MAML2: variants seen among roughly 807,000 people sequenced by gnomAD.
The protein encoded by MAML2 is mastermind-like protein 2.
Under a neutral mutation model 96.1 loss-of-function variants are expected in MAML2, and 22 were observed. The observed-to-expected ratio is 0.23, with a 90% CI of 0.16 to 0.33. MAML2 has a LOEUF of 0.33. Ranked by LOEUF, MAML2 falls within the 10% of genes least tolerant of loss-of-function variation. MAML2 has a pLI of 1.00. For missense variants in MAML2, 1,367 were observed against 1,392.4 expected (o/e 0.98, Z 0.29); for synonymous variants, 561 against 521.3 (o/e 1.08, Z -1.04).
At chr11:96,255,760 A>G (rs1167323563) in intron 1 of MAML2, among the ~76,000 whole-genome samples, 1 of 152,134 alleles carries the variant, frequency 6.6e-6, no homozygotes, top group African/African-American at 2.4e-5. Flanking sequence ...GAAGACAGAA[A>G]GAACCTGGAT....
At chr11:96,003,452 T>G (rs947021470) in intron 2 of MAML2, among the ~76,000 whole-genome samples, 1 of 152,152 alleles carries the variant, frequency 6.6e-6, no homozygotes, top group Non-Finnish European at 1.5e-5. Context: ...TGTATGCCTT[T>G]AAAATCAAAA....
chr11:96,201,125 A>G (rs748607476), intron 1 of MAML2, among the ~76,000 whole-genome samples: 5 of 152,238 alleles, frequency 3.3e-5, no homozygotes, highest in Non-Finnish European at 7.3e-5. Context: ...AGATCAGAGC[A>G]ATAGATATTT....
chr11:96,143,849 C>T (rs372822697), intron 1 of MAML2, among the ~76,000 whole-genome samples: 12 of 152,276 alleles, frequency 7.9e-5, no homozygotes, highest in East Asian at 1.9e-4. Flanking sequence ...ATCTGTGCCG[C>T]GAACCTTGCT....
At chr11:96,043,873 A>C (rs887993177) in intron 2 of MAML2, among the ~76,000 whole-genome samples, 1 of 152,228 alleles carries the variant, frequency 6.6e-6, no homozygotes, top group African/African-American at 2.4e-5. Flanking sequence ...CTTCCAACAG[A>C]GGCATTCAAA....
intron 2 of MAML2, among the ~76,000 whole-genome samples, chr11:96,027,498 T>C (rs1858544360): frequency 6.6e-6 from 1 of 152,072 alleles, no homozygotes; most frequent in East Asian, 1.9e-4. Flanking sequence ...GAGTTGAGCA[T>C]GGGAATGATC....
chr11:96,151,127 C>T (rs1370003927), intron 1 of MAML2, among the ~76,000 whole-genome samples: 1 of 152,170 alleles, frequency 6.6e-6, no homozygotes, highest in Non-Finnish European at 1.5e-5. Flanking sequence ...CAAACTCCCT[C>T]GTCTAATTTT....
intron 1 of MAML2, among the ~76,000 whole-genome samples, chr11:96,338,152 G>A (rs980175122): frequency 1.3e-5 from 2 of 152,230 alleles, no homozygotes; most frequent in African/African-American, 4.8e-5. Context: ...TACCACAGAA[G>A]CTCTAAACCT....
intron 1 of MAML2, among the ~76,000 whole-genome samples, chr11:96,105,695 C>T (rs1158670682): frequency 6.6e-6 from 1 of 152,084 alleles, no homozygotes; most frequent in Non-Finnish European, 1.5e-5. Context: ...TATGTGTTTT[C>T]TCTGGGCTAA....
At chr11:96,000,422 T>C (rs1376284581) in intron 2 of MAML2, among the ~76,000 whole-genome samples, 1 of 152,186 alleles carries the variant, frequency 6.6e-6, no homozygotes, top group Non-Finnish European at 1.5e-5. Context: ...GTTGAATAGT[T>C]GTGCCAGAGA....
At chr11:96,103,110 C>T (rs975007027) in intron 1 of MAML2, among the ~76,000 whole-genome samples, 22 of 152,086 alleles carry the variant, frequency 1.4e-4, no homozygotes, top group Non-Finnish European at 2.8e-4. Context: ...ATTTTTTCTC[C>T]CTGCTTTAAT....
chr11:96,218,470 C>G (rs1212250646), intron 1 of MAML2, among the ~76,000 whole-genome samples: 1 of 152,120 alleles, frequency 6.6e-6, no homozygotes, highest in Non-Finnish European at 1.5e-5. Context: ...CTTGGGTCAA[C>G]TGACTACTAT....
chr11:96,122,663 C>A (rs1860371112), intron 1 of MAML2, among the ~76,000 whole-genome samples: 1 of 152,044 alleles, frequency 6.6e-6, no homozygotes. Flanking sequence ...CACAGAGGAC[C>A]CTGTAAAATC....
intron 2 of MAML2, among the ~76,000 whole-genome samples, chr11:95,996,225 G>T (rs1007362693): frequency 3.2e-4 from 48 of 152,116 alleles, no homozygotes; most frequent in African/African-American, 1.1e-3. Context: ...ACTTAGAAAT[G>T]GGGAAAATGA....
chr11:96,335,761 C>G (rs546468188), intron 1 of MAML2, among the ~76,000 whole-genome samples: 1 of 152,144 alleles, frequency 6.6e-6, no homozygotes, highest in Non-Finnish European at 1.5e-5. Context: ...TTGCTCTTAC[C>G]GGATCTCCAG....
intron 1 of MAML2, among the ~76,000 whole-genome samples, chr11:96,140,478 T>C (rs993540814): frequency 6.6e-6 from 1 of 152,150 alleles, no homozygotes; most frequent in African/African-American, 2.4e-5. Flanking sequence ...TAAGCCAATT[T>C]TGATGAATGG....
At chr11:96,045,953 T>C (rs1858894438) in intron 2 of MAML2, among the ~76,000 whole-genome samples, 2 of 151,694 alleles carry the variant, frequency 1.3e-5, no homozygotes. Flanking sequence ...GTTTTGCCCT[T>C]GGCCTTCTGT....
At position 96,341,647 on chromosome 11, in the gene MAML2, G is replaced by T. The variant is rs1305384767; in HGVS notation, c.249C>A (p.Gly83=). 1.3e-6 allele frequency: 2 copies of T among 1,561,522 alleles called. No individual in the cohort carries two copies. Among genetic ancestry groups the T allele is most frequent in the Non-Finnish European group, 1.7e-6 (2 of 1,152,202 alleles). ...TLQLLSLVQH[G]QGARKAGKHT... is the part of the protein sequence containing the mutation. ...GTTTGCCAGCTTTCCTTGCCCCCTG[G>T]CCATGCTGTACAAGGCTCAGGAGCT... is the stretch of plus-strand genomic sequence containing the variant. The change falls in exon 1 of 5, where the codon GGC becomes GGA. Residue 83 remains glycine, a synonymous_variant. Transcript: ENST00000524717.
At chr11:96,003,212 A>G (rs1042819591) in intron 2 of MAML2, among the ~76,000 whole-genome samples, 3 of 152,068 alleles carry the variant, frequency 2.0e-5, no homozygotes, top group Non-Finnish European at 4.4e-5. Context: ...GATGGGGATG[A>G]TGAGGAAGAT....
intron 1 of MAML2, among the ~76,000 whole-genome samples, chr11:96,274,277 G>T (rs1862956766): frequency 6.6e-6 from 1 of 151,820 alleles, no homozygotes; most frequent in Non-Finnish European, 1.5e-5. Flanking sequence ...TAGAGACGGG[G>T]TTTCACGTGT....
Sources: gnomAD v4.1 joint callset for allele counts (sites outside exome capture counted in the v4.1 genomes callset) on GRCh38, gnomAD v4.1.1 for gene constraint, MANE v1.5 for transcripts, NCBI Gene and HGNC (gene_info 2026-07-23, HGNC 2026-07-21) for gene names.